Variants in ARHGAP26 observed in about 807,000 individuals in gnomAD.
ARHGAP26 encodes Rho GTPase activating protein 26.
A neutral mutation model predicts 104.8 loss-of-function variants in ARHGAP26; 38 were observed. That is an observed-to-expected ratio of 0.36 (90% CI 0.28 to 0.48). The LOEUF is 0.48. ARHGAP26 is among the 20% of genes least tolerant of loss of function. ARHGAP26 has a pLI of 0.99. For synonymous variants in ARHGAP26, 341 were observed against 340.0 expected (o/e 1.00, Z -0.03); for missense variants, 704 against 947.9 (o/e 0.74, Z 3.38).
At chr5:143,089,997 C>T (rs1791174621) in intron 17 of ARHGAP26, among the ~76,000 whole-genome samples, 2 of 152,264 alleles carry the variant, frequency 1.3e-5, no homozygotes, top group Admixed American at 1.3e-4. Flanking sequence ...TACCACCACA[C>T]ATCCGTTTGG....
chr5:142,770,926 C>G lies in ARHGAP26; in HGVS notation c.154+11C>G, dbSNP rs748147696. On this transcript the variant is annotated intron_variant, in intron 1 of 22. Coordinates refer to ENST00000645722, the MANE Select transcript of ARHGAP26 (RefSeq NM_001135608.3). The stretch of plus-strand genomic sequence containing the variant: ...TAAGCGCGCTCAAGAGTGAGTGTCC[C>G]GAGCCCCTCGGGGACGCGGCTCCGG... 12 of 1,599,372 alleles carry G rather than the reference C, an allele frequency of 7.5e-6. No homozygotes were observed. Among genetic ancestry groups the G allele is most frequent in the Non-Finnish European group, 1.0e-5 (12 of 1,172,246 alleles).
At chr5:143,060,171 A>G (rs1319722157) in intron 17 of ARHGAP26, among the ~76,000 whole-genome samples, 1 of 152,116 alleles carries the variant, frequency 6.6e-6, no homozygotes, top group Non-Finnish European at 1.5e-5. Flanking sequence ...TGCCTGAGCT[A>G]TTGTTCCTCT....
At chr5:143,109,161 G>GCACCTAACTCA (rs1794455186) in intron 17 of ARHGAP26, among the ~76,000 whole-genome samples, 1 of 151,910 alleles carries the variant, frequency 6.6e-6, no homozygotes, top group Non-Finnish European at 1.5e-5. Context: ...CAGGTAACTC[G>GCACCTAACTCA]CACCTAGAAG....
In ARHGAP26 at chr5:142,928,789, A is replaced by T. The variant is rs1022178153; in HGVS notation, c.1029-3258A>T. ...TATAGTGCTTAGCACAGCAACTGGC[A>T]TATACTGCTGGGTTATAATTATTAC... On this transcript the variant is annotated intron_variant, in intron 10 of 22. Transcript: ENST00000645722. Among the ~76,000 whole-genome samples the T allele has an allele frequency of 2.0e-5, 3 of 152,236 alleles. No individual in the cohort carries two copies. In the East Asian group the frequency reaches 5.8e-4, roughly 29 times the overall value.
chr5:142,824,300 T>TA, intron 1 of ARHGAP26, among the ~76,000 whole-genome samples: 1 of 152,260 alleles, frequency 6.6e-6, no homozygotes, highest in East Asian at 1.9e-4. Flanking sequence ...ATCGGAATAT[T>TA]AAAAAATCCC....
At chr5:142,931,149 C>T (rs916741300) in intron 10 of ARHGAP26, among the ~76,000 whole-genome samples, 3 of 152,196 alleles carry the variant, frequency 2.0e-5, no homozygotes, top group African/African-American at 7.2e-5. Context: ...CTTTGAGAAT[C>T]TGACAGACAA....
intron 20 of ARHGAP26, among the ~76,000 whole-genome samples, chr5:143,192,198 T>C (rs1041319640): frequency 1.3e-5 from 2 of 152,178 alleles, no homozygotes; most frequent in African/African-American, 4.8e-5. Context: ...AGGAGAAAGA[T>C]CTAACTCACT....
intron 1 of ARHGAP26, among the ~76,000 whole-genome samples, chr5:142,820,280 G>A (rs1394734859): frequency 6.6e-6 from 1 of 152,024 alleles, no homozygotes; most frequent in Non-Finnish European, 1.5e-5. Context: ...GTTGTGCGGT[G>A]GTTAAAACTT....
At chr5:143,017,479 G>A (rs940964158) in intron 12 of ARHGAP26, among the ~76,000 whole-genome samples, 5 of 152,158 alleles carry the variant, frequency 3.3e-5, no homozygotes, top group Non-Finnish European at 7.4e-5. Flanking sequence ...CCCTGTTCAT[G>A]GCACATTATC....
chr5:142,832,130 G>C (rs944211360), intron 1 of ARHGAP26, among the ~76,000 whole-genome samples: 2 of 152,190 alleles, frequency 1.3e-5, no homozygotes, highest in African/African-American at 4.8e-5. Context: ...ACAGATAATA[G>C]TCTATTTTTG....
At chr5:142,882,026 G>T (rs1757067115) in intron 4 of ARHGAP26, among the ~76,000 whole-genome samples, 1 of 152,146 alleles carries the variant, frequency 6.6e-6, no homozygotes, top group Non-Finnish European at 1.5e-5. Flanking sequence ...ATGGCCCTAA[G>T]TTTCTATTTC....
At chr5:142,990,449 T>G (rs961788439) in intron 11 of ARHGAP26, among the ~76,000 whole-genome samples, 1 of 152,230 alleles carries the variant, frequency 6.6e-6, no homozygotes, top group Admixed American at 6.5e-5. Context: ...ATCTCAAGCC[T>G]TCTTCTCTCA....
At chr5:143,164,298 G>A (rs1801653555) in intron 20 of ARHGAP26, among the ~76,000 whole-genome samples, 1 of 152,102 alleles carries the variant, frequency 6.6e-6, no homozygotes, top group African/African-American at 2.4e-5. Context: ...CATGGGTCAG[G>A]GGAAGTTTTA....
At chr5:142,825,795 C>A (rs1021867730) in intron 1 of ARHGAP26, among the ~76,000 whole-genome samples, 1 of 152,134 alleles carries the variant, frequency 6.6e-6, no homozygotes, top group African/African-American at 2.4e-5. Context: ...GATCAGAGAG[C>A]AGGAAACTTT....
rs3776250 is a variant in ARHGAP26, at chr5:143,166,612, T to A, written c.1988+19231T>A. ...TTGCCATGACCCCTGACAGCCCCAG[T>A]GCTTTCATAGCCTCATTCTCCTTAG... On this transcript the variant is annotated intron_variant, in intron 20 of 22. Coordinates refer to ENST00000645722, the MANE Select transcript of ARHGAP26 (RefSeq NM_001135608.3). 1.4e-4 allele frequency among the ~76,000 whole-genome samples: 21 copies of A among 152,328 alleles called. No homozygotes were observed. The East Asian group carries it at 3.7e-3, about 27-fold the overall frequency.
chr5:143,100,678 T>A (rs1793086760), intron 17 of ARHGAP26, among the ~76,000 whole-genome samples: 1 of 152,262 alleles, frequency 6.6e-6, no homozygotes, highest in South Asian at 2.1e-4. Flanking sequence ...TTAGGGACTC[T>A]GCTGGCTTTG....
intron 9 of ARHGAP26, among the ~76,000 whole-genome samples, chr5:142,910,620 TC>T (rs1197892920): frequency 6.6e-6 from 1 of 152,072 alleles, no homozygotes; most frequent in Non-Finnish European, 1.5e-5. Flanking sequence ...ATGCCTGTAA[TC>T]CCAGCTATTT....
intron 17 of ARHGAP26, among the ~76,000 whole-genome samples, chr5:143,099,186 C>A (rs1396621685): frequency 6.6e-6 from 1 of 152,206 alleles, no homozygotes; most frequent in East Asian, 1.9e-4. Flanking sequence ...TGATATCTAT[C>A]TTTGCAGAAG....
intron 17 of ARHGAP26, among the ~76,000 whole-genome samples, chr5:143,112,029 C>G (rs558378736): frequency 6.6e-6 from 1 of 152,172 alleles, no homozygotes. Flanking sequence ...ACACATGATA[C>G]GCAAACTGCT....
Sources: allele counts gnomAD v4.1 joint callset (sites outside exome capture counted in the v4.1 genomes callset), GRCh38; gene constraint gnomAD v4.1.1; transcripts MANE v1.5; gene names NCBI Gene and HGNC (gene_info 2026-07-23, HGNC 2026-07-21).